Variants in MARCHF1 observed in about 807,000 individuals in gnomAD.
The protein encoded by MARCHF1 is E3 ubiquitin-protein ligase MARCHF1.
A neutral mutation model predicts 54.2 loss-of-function variants in MARCHF1; 40 were observed. The observed-to-expected ratio is 0.74, with a 90% CI of 0.57 to 0.96. The LOEUF is 0.96. Ranked by LOEUF, MARCHF1 falls within the 40% of genes least tolerant of loss-of-function variation. The probability of loss-of-function intolerance (pLI) is 0.00; values close to 1 mark genes in which losing one functional copy is unlikely to be tolerated. For synonymous variants in MARCHF1, 236 were observed against 236.3 expected (o/e 1.00, Z 0.01); for missense variants, 586 against 656.5 (o/e 0.89, Z 1.17).
chr4:164,044,823 T>G (rs1034475693), intron 2 of MARCHF1, among the ~76,000 whole-genome samples: 52 of 89,538 alleles, frequency 5.8e-4, no homozygotes, highest in African/African-American at 4.0e-3. Context: ...CTATAGACTC[T>G]CTCTCTCTAT....
chr4:163,850,185 C>T (rs1221994177), intron 4 of MARCHF1, among the ~76,000 whole-genome samples: 2 of 152,180 alleles, frequency 1.3e-5, no homozygotes, highest in Non-Finnish European at 2.9e-5. Flanking sequence ...CTTTATTGCA[C>T]CACCACCACC....
At chr4:164,267,819 G>T (rs1416112611) in intron 1 of MARCHF1, among the ~76,000 whole-genome samples, 3 of 152,024 alleles carry the variant, frequency 2.0e-5, no homozygotes, top group Admixed American at 1.3e-4. Flanking sequence ...TTTCCCTACG[G>T]TCTCAGCTCT....
At chr4:163,587,660 A>C (rs1171175509) in intron 7 of MARCHF1, among the ~76,000 whole-genome samples, 1 of 152,238 alleles carries the variant, frequency 6.6e-6, no homozygotes, top group African/African-American at 2.4e-5. Flanking sequence ...CTACCTATGA[A>C]GTCCTTTGTT....
At chr4:163,882,138 A>AT (rs1326798536) in intron 3 of MARCHF1, among the ~76,000 whole-genome samples, 1 of 152,232 alleles carries the variant, frequency 6.6e-6, no homozygotes, top group Non-Finnish European at 1.5e-5. Context: ...CAGAGCAGAG[A>AT]TTAATGGAAA....
chr4:164,119,799 G>A (rs1409154378), intron 1 of MARCHF1, among the ~76,000 whole-genome samples: 1 of 151,726 alleles, frequency 6.6e-6, no homozygotes, highest in Non-Finnish European at 1.5e-5. Flanking sequence ...GTCCACAGCA[G>A]AGAAAAAAGC....
Position 163,950,885 on chromosome 4 carries a change from T to A in MARCHF1, c.-39+37616A>T, listed in dbSNP as rs567848116. On this transcript the variant is annotated intron_variant, in intron 3 of 9. Transcript: ENST00000514618. ...TTCTTCCTTGACGTTAGAAGAACTC[T>A]CATCTTGACATGAGCTCCAAAGAAC... Among the ~76,000 whole-genome samples, 61 of 152,342 alleles carry A rather than the reference T, an allele frequency of 4.0e-4. 1 individual carries two copies. The highest frequency in any genetic ancestry group is 1.2e-3 in the African/African-American group (49 of 41,578).
At chr4:163,621,708 C>T (rs1341114492) in intron 5 of MARCHF1, among the ~76,000 whole-genome samples, 1 of 152,162 alleles carries the variant, frequency 6.6e-6, no homozygotes, top group Non-Finnish European at 1.5e-5. Context: ...TGGGTCTCTG[C>T]TTACTACTAC....
intron 5 of MARCHF1, among the ~76,000 whole-genome samples, chr4:163,643,727 A>G (rs1462743857): frequency 2.0e-5 from 3 of 152,206 alleles, no homozygotes; most frequent in African/African-American, 7.2e-5. Flanking sequence ...ATAATTAGCA[A>G]TGACTTCAAT....
chr4:163,610,465 G>C (rs935064317), intron 7 of MARCHF1, among the ~76,000 whole-genome samples: 2 of 152,036 alleles, frequency 1.3e-5, no homozygotes, highest in Non-Finnish European at 2.9e-5. Flanking sequence ...TAAGTAAGGA[G>C]AACCAGTCAC....
chr4:164,000,826 G>C (rs1753172639), intron 2 of MARCHF1, among the ~76,000 whole-genome samples: 1 of 151,384 alleles, frequency 6.6e-6, no homozygotes, highest in Non-Finnish European at 1.5e-5. Flanking sequence ...CTAATAAAAT[G>C]TTTACTATTA....
At chr4:164,162,573 C>T (rs1730266169) in intron 1 of MARCHF1, among the ~76,000 whole-genome samples, 1 of 152,036 alleles carries the variant, frequency 6.6e-6, no homozygotes, top group Admixed American at 6.6e-5. Flanking sequence ...CAGAGGACAA[C>T]AGAGGTCATT....
At chr4:163,845,423 T>C (rs1310754261) in intron 4 of MARCHF1, among the ~76,000 whole-genome samples, 3 of 151,266 alleles carry the variant, frequency 2.0e-5, no homozygotes, top group Admixed American at 6.7e-5. Context: ...TTGGCATCTT[T>C]GTTATCTGTG....
chr4:164,289,890 C>G (rs1734246237), intron 1 of MARCHF1, among the ~76,000 whole-genome samples: 1 of 151,956 alleles, frequency 6.6e-6, no homozygotes. Context: ...TCATCTCTAC[C>G]ACATCAGTCC....
At chr4:164,322,295 A>G (rs1401295023) in intron 1 of MARCHF1, among the ~76,000 whole-genome samples, 6 of 152,088 alleles carry the variant, frequency 3.9e-5, no homozygotes, top group Admixed American at 1.3e-4. Flanking sequence ...GCTACAGGCT[A>G]TTTAAGAAAC....
At position 163,525,403 on chromosome 4, in the gene MARCHF1, T is replaced by G. The variant is rs1738066591; in HGVS notation, c.*3345A>C. ...TGCTGGGGTGTTTTGAAAGACTCCT[T>G]CAGTCTACACCTATCTTCCTTCAGG... On this transcript the variant is annotated 3_prime_UTR_variant, in exon 10 of 10. Coordinates refer to ENST00000514618, the MANE Select transcript of MARCHF1 (RefSeq NM_001394959.1). The G allele has an allele frequency of 6.6e-6, 1 of 152,242 alleles. No homozygotes were observed. Among genetic ancestry groups the G allele is most frequent in the South Asian group, 2.1e-4 (1 of 4,824 alleles). The allele number at this position is 152,242 out of a possible 1,614,324, so 9.4% of individuals were successfully genotyped here. A position where few individuals can be genotyped will look rare whatever the true frequency, so the allele number is the denominator to read the frequency against.
intron 5 of MARCHF1, among the ~76,000 whole-genome samples, chr4:163,679,655 C>T (rs967167778): frequency 7.9e-5 from 12 of 151,850 alleles, no homozygotes; most frequent in South Asian, 4.2e-4. Context: ...CTCTGTTGCC[C>T]AGGCTGGAGT....
intron 1 of MARCHF1, among the ~76,000 whole-genome samples, chr4:164,376,675 T>C (rs1317033490): frequency 6.6e-6 from 1 of 152,124 alleles, no homozygotes; most frequent in South Asian, 2.1e-4. Flanking sequence ...CGAGGCTCCA[T>C]GGTGGTGTTA....
At chr4:164,064,970 T>C (rs1754696207) in intron 2 of MARCHF1, among the ~76,000 whole-genome samples, 1 of 152,196 alleles carries the variant, frequency 6.6e-6, no homozygotes, top group South Asian at 2.1e-4. Context: ...TTGCATATGT[T>C]GAATCAACCT....
chr4:163,664,844 ATACATAG>A (rs1743475779), intron 5 of MARCHF1, among the ~76,000 whole-genome samples: 1 of 152,076 alleles, frequency 6.6e-6, no homozygotes, highest in Non-Finnish European at 1.5e-5. Context: ...TGGGCACAGT[ATACATAG>A]GGCTTAGGGC....
Sources: gnomAD v4.1 joint callset for allele counts (sites outside exome capture counted in the v4.1 genomes callset) on GRCh38, gnomAD v4.1.1 for gene constraint, MANE v1.5 for transcripts, NCBI Gene and HGNC (gene_info 2026-07-23, HGNC 2026-07-21) for gene names.